ZNF727: variants seen among roughly 807,000 people sequenced by gnomAD.
ZNF727 encodes the protein zinc finger protein 727.
In ZNF727, 11 loss-of-function variants were observed where a neutral mutation model predicts 11.5. That is an observed-to-expected ratio of 0.95 (90% CI 0.60 to 1.58). The LOEUF (loss-of-function observed/expected upper bound fraction) is 1.58. ZNF727 is among the 40% of genes most tolerant of loss of function. The pLI is 0.00. For missense variants in ZNF727, 533 were observed against 581.7 expected (o/e 0.92, Z 0.86); for synonymous variants, 171 against 196.1 (o/e 0.87, Z 1.07).
Position 64,080,872 on chromosome 7 carries a change from GT to G in ZNF727, c.*2329del, listed in dbSNP as rs1451729086. Among the ~76,000 whole-genome samples, 5 of 146,690 alleles carry G rather than the reference GT, an allele frequency of 3.4e-5. No individual in the cohort carries two copies. Among genetic ancestry groups the G allele is most frequent in the South Asian group, 4.3e-4 (2 of 4,668 alleles). On this transcript the variant is annotated 3_prime_UTR_variant, in exon 4 of 4. Coordinates refer to ENST00000456806, the MANE Select transcript of ZNF727 (RefSeq NM_001159522.3). ...CAGGCTTTGTTCCTGGGAGTTTTTT[GT>G]TTTTTGTTTTTTGTTTTTGTTTTTT...
rs560909312 is a variant in ZNF727, at chr7:64,045,594, A to G, written c.-28A>G. ...GCAGGTACTGGGAGATCCATAGGGA[A>G]GAAGGCGGAACATCCGGAGGCTGGG... On this transcript the variant is annotated 5_prime_UTR_variant, in exon 1 of 4. Coordinates refer to ENST00000456806, the MANE Select transcript of ZNF727 (RefSeq NM_001159522.3). The G allele has an allele frequency of 2.6e-6, 4 of 1,554,724 alleles. No individual in the cohort carries two copies. In the Admixed American group the frequency reaches 5.8e-5, roughly 23 times the overall value.
intron 1 of ZNF727, among the ~76,000 whole-genome samples, chr7:64,048,242 AAT>A (rs1442381460): frequency 1.3e-5 from 2 of 152,234 alleles, no homozygotes; most frequent in East Asian, 3.8e-4. Context: ...TCAGAAAAAA[AAT>A]AGTTTATATT....
chr7:64,073,539 C>G (rs868790611), intron 3 of ZNF727, among the ~76,000 whole-genome samples: 30 of 151,750 alleles, frequency 2.0e-4, no homozygotes, highest in African/African-American at 7.2e-4. Flanking sequence ...ATCTTCTTTT[C>G]TTAAGGATTG....
chr7:64,077,728 C>G lies in ZNF727; in HGVS notation c.679C>G (p.Pro227Ala). 6.3e-7 allele frequency: 1 copy of G among 1,582,514 alleles called. No homozygotes were observed. Among genetic ancestry groups the G allele is most frequent in the Non-Finnish European group, 8.6e-7 (1 of 1,163,794 alleles). Residue 227 changes from proline (P) to alanine (A), a missense_variant, in exon 4 of 4, where the codon CCC becomes GCC. Physicochemically the swap from Pro to Ala is conservative, Grantham distance 27. Transcript: ENST00000456806. The stretch of plus-strand genomic sequence containing the variant: ...TAATAGAGTTCATACTGGAAAGAAA[C>G]CCTACAAATGTGAAGAATGTGGCAA... ...EHNRVHTGKKPYKCEECGKTF... is the reference protein window; with the variant it reads ...EHNRVHTGKKAYKCEECGKTF...
At chr7:64,069,720 C>A in intron 3 of ZNF727, 111 bp downstream of exon 3, 1 of 844,438 alleles carries the variant, frequency 1.2e-6, no homozygotes, top group Non-Finnish European at 1.8e-6. Context: ...GAAATCGTTT[C>A]TGAGAAGCCT....
At position 64,081,930 on chromosome 7, in the gene ZNF727, C is replaced by T. The variant is rs530955902; in HGVS notation, c.*3381C>T. 9.2e-5 allele frequency among the ~76,000 whole-genome samples: 14 copies of T among 152,104 alleles called. No homozygotes were observed. Among genetic ancestry groups the T allele is most frequent in the Middle Eastern group, 3.4e-3 (1 of 294 alleles). ...TCTTCTGGTTGCTGCATCTCAGAGA[C>T]GTGTAGGCCAGCAATCACTCAGTGC... On this transcript the variant is annotated 3_prime_UTR_variant, in exon 4 of 4. Coordinates refer to ENST00000456806, the MANE Select transcript of ZNF727 (RefSeq NM_001159522.3).
intron 3 of ZNF727, among the ~76,000 whole-genome samples, chr7:64,076,077 ATT>A (rs779932398): frequency 6.6e-5 from 10 of 151,174 alleles, no homozygotes; most frequent in Admixed American, 4.6e-4. Context: ...TGGCTATGTC[ATT>A]AATTAATTGT....
intron 1 of ZNF727, among the ~76,000 whole-genome samples, chr7:64,048,189 T>G (rs1789537773): frequency 6.6e-6 from 1 of 152,046 alleles, no homozygotes; most frequent in Non-Finnish European, 1.5e-5. Flanking sequence ...CTTGAAAGAT[T>G]AAAAAAAACC....
At chr7:64,073,375 G>A (rs540379693) in intron 3 of ZNF727, among the ~76,000 whole-genome samples, 6 of 147,964 alleles carry the variant, frequency 4.1e-5, no homozygotes, top group Non-Finnish European at 7.5e-5. Context: ...TTTGTTTTCT[G>A]GTCAATTATT....
At chr7:64,046,502 A>G (rs1789509540) in intron 1 of ZNF727, among the ~76,000 whole-genome samples, 1 of 152,174 alleles carries the variant, frequency 6.6e-6, no homozygotes, top group South Asian at 2.1e-4. Context: ...ACCTCTCGAT[A>G]GTGACTGAGT....
At position 64,069,020 on chromosome 7, in the gene ZNF727, G is replaced by T. The variant is rs2116313056; in HGVS notation, c.130+3G>T. The T allele has an allele frequency of 6.3e-7, 1 of 1,591,486 alleles. No homozygotes were observed. Among genetic ancestry groups the T allele is most frequent in the Admixed American group, 1.8e-5 (1 of 55,632 alleles). On this transcript the variant is annotated splice_donor_region_variant and intron_variant, in intron 2 of 3. Transcript: ENST00000456806. ...CTACGGAAACCTGTTCTCCTTGGGT[G>T]AGAATAACTTCAATATACAACTCAT...
intron 1 of ZNF727, among the ~76,000 whole-genome samples, chr7:64,060,793 GT>G (rs1224107471): frequency 4.0e-5 from 6 of 150,636 alleles, no homozygotes; most frequent in East Asian, 1.9e-4. Context: ...TTTATTTGGA[GT>G]TTTTTTTTAA....
At chr7:64,071,381 A>G (rs1371005640) in intron 3 of ZNF727, among the ~76,000 whole-genome samples, 4 of 152,126 alleles carry the variant, frequency 2.6e-5, no homozygotes, top group African/African-American at 9.7e-5. Context: ...GCACCTTTCT[A>G]CATACCTGTT....
intron 3 of ZNF727, among the ~76,000 whole-genome samples, chr7:64,071,260 T>C (rs540573103): frequency 2.0e-4 from 31 of 152,180 alleles, no homozygotes; most frequent in African/African-American, 7.2e-4. Context: ...CTTTAATATA[T>C]TCTTGTCAAC....
At chr7:64,073,160 GT>G (rs1404888197) in intron 3 of ZNF727, among the ~76,000 whole-genome samples, 1 of 151,762 alleles carries the variant, frequency 6.6e-6, no homozygotes, top group African/African-American at 2.4e-5. Flanking sequence ...AATTTGGGAA[GT>G]TCTTAGGCCC....
chr7:64,048,195 A>C (rs1789538020), intron 1 of ZNF727, among the ~76,000 whole-genome samples: 1 of 152,250 alleles, frequency 6.6e-6, no homozygotes, highest in Non-Finnish European at 1.5e-5. Flanking sequence ...AGATTAAAAA[A>C]AACCACAAAT....
chr7:64,056,245 T>C lies in ZNF727; in HGVS notation c.3+10621T>C, dbSNP rs1789684440. 2.0e-5 allele frequency among the ~76,000 whole-genome samples: 3 copies of C among 152,342 alleles called. No homozygotes were observed. In the South Asian group the frequency reaches 6.2e-4, roughly 32 times the overall value. On this transcript the variant is annotated intron_variant, in intron 1 of 3. Transcript: ENST00000456806. ...TGATATCATCTAAAAGTAGAAATTA[T>C]GTTTTTATTTTTTTCCTTTGGGAAT...
rs376898144 is a variant in ZNF727 at position 64,071,513 on chromosome 7, C to T, written c.226+1904C>T. On this transcript the variant is annotated intron_variant, in intron 3 of 3. Coordinates refer to ENST00000456806, the MANE Select transcript of ZNF727 (RefSeq NM_001159522.3). ...TTATTTATATGAGTTTCTTATGTTT[C>T]TTATGTGTTTTTGATACTAACCACT... Among the ~76,000 whole-genome samples the T allele has an allele frequency of 1.6e-3, 249 of 151,888 alleles. 2 individuals are homozygous for T. Among genetic ancestry groups the T allele is most frequent in the African/African-American group, 5.8e-3 (240 of 41,458 alleles).
chr7:64,057,131 A>G (rs1240804216), intron 1 of ZNF727, among the ~76,000 whole-genome samples: 1 of 152,132 alleles, frequency 6.6e-6, no homozygotes, highest in South Asian at 2.1e-4. Flanking sequence ...AATTATTTAT[A>G]ACAAATATTA....
Sources: gnomAD v4.1 joint callset for allele counts (sites outside exome capture counted in the v4.1 genomes callset) on GRCh38, gnomAD v4.1.1 for gene constraint, MANE v1.5 for transcripts, NCBI Gene and HGNC (gene_info 2026-07-23, HGNC 2026-07-21) for gene names.